SH3RF3: variants seen among roughly 807,000 people sequenced by gnomAD.
The protein encoded by SH3RF3 is SH3 domain containing ring finger 3.
Under a neutral mutation model 66.3 loss-of-function variants are expected in SH3RF3, and 29 were observed. That is an observed-to-expected ratio of 0.44 (90% CI 0.33 to 0.60). SH3RF3 has a LOEUF of 0.60. Ranked by LOEUF, SH3RF3 falls within the 20% of genes least tolerant of loss-of-function variation. The pLI is 0.04. For missense variants in SH3RF3, 1,194 were observed against 1,190.9 expected (o/e 1.00, Z -0.04); for synonymous variants, 583 against 532.0 (o/e 1.10, Z -1.32).
At chr2:109,157,678 C>G (rs760347111) in intron 1 of SH3RF3, among the ~76,000 whole-genome samples, 13 of 152,208 alleles carry the variant, frequency 8.5e-5, no homozygotes, top group Non-Finnish European at 1.3e-4. Context: ...CAGTTGGTTA[C>G]TGAGCTGCCT....
chr2:109,257,557 G>T (rs758164574), intron 1 of SH3RF3, among the ~76,000 whole-genome samples: 2 of 152,142 alleles, frequency 1.3e-5, no homozygotes, highest in Non-Finnish European at 2.9e-5. Context: ...GCCCAAGTTC[G>T]TGGTGAGTGA....
chr2:109,379,667 A>G (rs1683468052), intron 3 of SH3RF3, among the ~76,000 whole-genome samples: 1 of 152,226 alleles, frequency 6.6e-6, no homozygotes, highest in Non-Finnish European at 1.5e-5. Flanking sequence ...TGCCGCAGCG[A>G]CAGCCTGTGG....
chr2:109,402,770 GC>G (rs1479190683), intron 4 of SH3RF3, among the ~76,000 whole-genome samples: 1 of 152,232 alleles, frequency 6.6e-6, no homozygotes, highest in African/African-American at 2.4e-5. Flanking sequence ...GCCATGGGGG[GC>G]AGAGGATTAC....
intron 9 of SH3RF3, among the ~76,000 whole-genome samples, chr2:109,496,882 G>C (rs1378776990): frequency 6.6e-6 from 1 of 152,178 alleles, no homozygotes; most frequent in African/African-American, 2.4e-5. Context: ...AATCACAAAG[G>C]GTCCTTATGA....
intron 1 of SH3RF3, among the ~76,000 whole-genome samples, chr2:109,305,693 A>G (rs999919655): frequency 6.6e-6 from 1 of 151,892 alleles, no homozygotes; most frequent in Non-Finnish European, 1.5e-5. Flanking sequence ...GTCACTGTAC[A>G]CTCCTTCATG....
At chr2:109,155,925 G>A (rs1392985215) in intron 1 of SH3RF3, among the ~76,000 whole-genome samples, 5 of 152,266 alleles carry the variant, frequency 3.3e-5, no homozygotes, top group South Asian at 2.1e-4. Flanking sequence ...GTATTGGATC[G>A]GGCTAAGGTT....
chr2:109,218,154 TAA>T (rs57642489), intron 1 of SH3RF3, among the ~76,000 whole-genome samples: 22 of 148,982 alleles, frequency 1.5e-4, no homozygotes, highest in Admixed American at 6.7e-4. Context: ...TCTGTTCTAT[TAA>T]AAAAAAAAAA....
chr2:109,387,858 TG>T (rs5833330), intron 3 of SH3RF3, among the ~76,000 whole-genome samples: 25,289 of 146,892 alleles, frequency 0.17, 2,580 homozygotes, highest in African/African-American at 0.28. Flanking sequence ...CCCAGATGGT[TG>T]GGGGGGGGGT....
chr2:109,471,640 G>A (rs1306778084), intron 8 of SH3RF3, among the ~76,000 whole-genome samples: 1 of 152,148 alleles, frequency 6.6e-6, no homozygotes, highest in African/African-American at 2.4e-5. Flanking sequence ...GGGTGAGGAG[G>A]TTGCTGTCCA....
intron 1 of SH3RF3, among the ~76,000 whole-genome samples, chr2:109,255,571 A>G (rs1028324439): frequency 2.6e-5 from 4 of 152,232 alleles, no homozygotes; most frequent in Admixed American, 6.5e-5. Flanking sequence ...CAAGGTTGCT[A>G]TCACCTCTAT....
At chr2:109,482,593 GA>G (rs1678863788) in intron 8 of SH3RF3, among the ~76,000 whole-genome samples, 1 of 152,200 alleles carries the variant, frequency 6.6e-6, no homozygotes, top group Non-Finnish European at 1.5e-5. Flanking sequence ...TGACCCCTAA[GA>G]GGGGGAGAGC....
At chr2:109,345,496 C>G (rs1682669685) in intron 1 of SH3RF3, among the ~76,000 whole-genome samples, 1 of 152,106 alleles carries the variant, frequency 6.6e-6, no homozygotes, top group Non-Finnish European at 1.5e-5. Flanking sequence ...GCTTTTAAGC[C>G]TCACCCTTGT....
At chr2:109,491,487 G>A (rs1196291436) in intron 9 of SH3RF3, among the ~76,000 whole-genome samples, 2 of 152,252 alleles carry the variant, frequency 1.3e-5, no homozygotes, top group South Asian at 2.1e-4. Flanking sequence ...CATTCATTTC[G>A]ATGCTTACTA....
intron 1 of SH3RF3, among the ~76,000 whole-genome samples, chr2:109,162,387 A>G (rs1677509205): frequency 6.6e-6 from 1 of 151,856 alleles, no homozygotes; most frequent in South Asian, 2.1e-4. Context: ...AGGGCTCCTC[A>G]ACCTTTTTTA....
chr2:109,280,664 G>A (rs753759628), intron 1 of SH3RF3, among the ~76,000 whole-genome samples: 15 of 152,184 alleles, frequency 9.9e-5, no homozygotes, highest in Non-Finnish European at 1.2e-4. Context: ...GAGAGCATTC[G>A]GGTAATGTAA....
At chr2:109,358,691 T>A (rs1185402799) in intron 2 of SH3RF3, among the ~76,000 whole-genome samples, 1 of 152,264 alleles carries the variant, frequency 6.6e-6, no homozygotes, top group Non-Finnish European at 1.5e-5. Context: ...TAATCCTTTA[T>A]CATAGTTGTC....
At chr2:109,158,290 C>T (rs1677400435) in intron 1 of SH3RF3, among the ~76,000 whole-genome samples, 1 of 152,204 alleles carries the variant, frequency 6.6e-6, no homozygotes, top group East Asian at 1.9e-4. Flanking sequence ...TGCCACTTGT[C>T]TCTTTCTGGT....
At chr2:109,282,172 T>C (rs1010055454) in intron 1 of SH3RF3, among the ~76,000 whole-genome samples, 1 of 152,128 alleles carries the variant, frequency 6.6e-6, no homozygotes, top group Non-Finnish European at 1.5e-5. Flanking sequence ...ATAGCAGCTA[T>C]TTTTCTTTTT....
At chr2:109,212,736 GC>G (rs1239450161) in intron 1 of SH3RF3, among the ~76,000 whole-genome samples, 3 of 152,074 alleles carry the variant, frequency 2.0e-5, no homozygotes, top group African/African-American at 4.8e-5. Context: ...TTCTCTCTTT[GC>G]CCGTGGCCCA....
Sources: gnomAD v4.1 joint callset for allele counts (sites outside exome capture counted in the v4.1 genomes callset) on GRCh38, gnomAD v4.1.1 for gene constraint, MANE v1.5 for transcripts, NCBI Gene and HGNC (gene_info 2026-07-23, HGNC 2026-07-21) for gene names.